The following CORO2B variants were observed in gnomAD, a reference collection of about 807,000 sequenced individuals.
CORO2B encodes the protein coronin 2B.
In CORO2B, 26 loss-of-function variants were observed where a neutral mutation model predicts 58.8. The ratio of observed to expected loss-of-function variants is 0.44; its 90% CI spans 0.32 to 0.61. CORO2B has a LOEUF of 0.61. Among genes scored for constraint, CORO2B ranks in the 20% least tolerant of loss-of-function variants. The probability of loss-of-function intolerance (pLI) is 0.04; values close to 1 mark genes in which losing one functional copy is unlikely to be tolerated. For missense variants in CORO2B, 460 were observed against 645.1 expected (o/e 0.71, Z 3.11); for synonymous variants, 242 against 253.8 (o/e 0.95, Z 0.44).
At chr15:68,606,693 A>G (rs2140242889) in intron 1 of CORO2B, among the ~76,000 whole-genome samples, 1 of 152,320 alleles carries the variant, frequency 6.6e-6, no homozygotes, top group Non-Finnish European at 1.5e-5. Flanking sequence ...TCATGGGTAG[A>G]GTGGGGGCAG....
chr15:68,657,350 C>G (rs1901841008), intron 2 of CORO2B, among the ~76,000 whole-genome samples: 1 of 151,858 alleles, frequency 6.6e-6, no homozygotes, highest in Non-Finnish European at 1.5e-5. Context: ...GACACCATCT[C>G]TACGAAATAC....
intron 1 of CORO2B, among the ~76,000 whole-genome samples, chr15:68,617,222 TG>T (rs1212636888): frequency 7.3e-6 from 1 of 137,838 alleles, no homozygotes; most frequent in Non-Finnish European, 1.6e-5. Flanking sequence ...GAGTGGGGGC[TG>T]GGGATGGGTG....
chr15:68,568,075 G>A, the CORO2B span, among the ~76,000 whole-genome samples: 2 of 152,126 alleles, frequency 1.3e-5, no homozygotes, highest in Admixed American at 1.3e-4. Context: ...TTATTGTGAG[G>A]CCAATCCCCA....
intron 8 of CORO2B, among the ~76,000 whole-genome samples, chr15:68,718,131 G>A (rs1893075045): frequency 6.6e-6 from 1 of 152,210 alleles, no homozygotes; most frequent in Non-Finnish European, 1.5e-5. Flanking sequence ...AGCTGTTAGG[G>A]ACATGTGGTA....
chr15:68,614,011 A>G (rs900111223), intron 1 of CORO2B, among the ~76,000 whole-genome samples: 4 of 152,180 alleles, frequency 2.6e-5, no homozygotes, highest in African/African-American at 9.7e-5. Flanking sequence ...ATAATTTTTC[A>G]ATCATCACCG....
At chr15:68,607,686 T>C (rs933673637) in intron 1 of CORO2B, among the ~76,000 whole-genome samples, 2 of 152,026 alleles carry the variant, frequency 1.3e-5, no homozygotes, top group South Asian at 4.1e-4. Flanking sequence ...GGTGCAGTGA[T>C]GCGTGCTTGT....
the CORO2B span, among the ~76,000 whole-genome samples, chr15:68,567,950 C>T: frequency 2.6e-5 from 4 of 152,150 alleles, no homozygotes; most frequent in African/African-American, 9.7e-5. Context: ...ACCCAGGAGG[C>T]GGAGGTTGCA....
At chr15:68,695,393 A>G (rs2140313237) in intron 3 of CORO2B, 137 bp downstream of exon 3, 1 of 684,290 alleles carries the variant, frequency 1.5e-6, no homozygotes, top group East Asian at 2.6e-5. Context: ...AGCAAGCCCC[A>G]CGATGTGGGG....
chr15:68,674,975 C>T (rs1403031327), intron 2 of CORO2B, among the ~76,000 whole-genome samples: 1 of 152,148 alleles, frequency 6.6e-6, no homozygotes, highest in Non-Finnish European at 1.5e-5. Context: ...AGTAGAACTT[C>T]AGGTATCAGT....
chr15:68,690,807 G>A (rs147367356), intron 2 of CORO2B, among the ~76,000 whole-genome samples: 1 of 151,350 alleles, frequency 6.6e-6, no homozygotes, highest in East Asian at 2.0e-4. Context: ...GTGCCACTAT[G>A]GCTAGCTAAT....
In CORO2B at chr15:68,710,251, C is replaced by T. The variant is rs1892881986; in HGVS notation, c.334-481C>T. On this transcript the variant is annotated intron_variant, in intron 3 of 11. Coordinates refer to ENST00000261861, the MANE Select transcript of CORO2B (RefSeq NM_006091.5). This position sits in a 1 kb window ranked among gnomAD's most constrained non-coding sequence, Gnocchi z 4.1. Reference sequence around the variant, plus strand: ...CTGGGGCCCCTCAGCCTCCCAGATGCAGTTCCCCCTGCCCAGGGGTCCATC... The same window carrying T: ...CTGGGGCCCCTCAGCCTCCCAGATGTAGTTCCCCCTGCCCAGGGGTCCATC... Among the ~76,000 whole-genome samples, 1 of 152,198 alleles carries T rather than the reference C, an allele frequency of 6.6e-6. No homozygotes were observed. Among genetic ancestry groups the T allele is most frequent in the South Asian group, 2.1e-4 (1 of 4,830 alleles).
At chr15:68,579,799 G>A (rs1480412342) in intron 1 of CORO2B, among the ~76,000 whole-genome samples, 2 of 152,242 alleles carry the variant, frequency 1.3e-5, no homozygotes, top group African/African-American at 2.4e-5. Flanking sequence ...GCCCAGTCCC[G>A]GGAGCCGCTA....
At chr15:68,535,846 G>A in the CORO2B span, among the ~76,000 whole-genome samples, 1 of 152,234 alleles carries the variant, frequency 6.6e-6, no homozygotes, top group African/African-American at 2.4e-5. Context: ...ATGGATTTAT[G>A]GAATGTTAGC....
chr15:68,691,845 C>T (rs1441405266), intron 2 of CORO2B, among the ~76,000 whole-genome samples: 6 of 152,066 alleles, frequency 3.9e-5, no homozygotes, highest in Admixed American at 3.9e-4. Flanking sequence ...GCTAGAAGCT[C>T]CTGTTATCTG....
intron 2 of CORO2B, among the ~76,000 whole-genome samples, chr15:68,678,964 C>T (rs1902679386): frequency 1.3e-5 from 2 of 152,276 alleles, no homozygotes; most frequent in Non-Finnish European, 2.9e-5. Context: ...CCTCCAGCAG[C>T]CCAACTTGGC....
At chr15:68,682,138 C>A (rs569617022) in intron 2 of CORO2B, among the ~76,000 whole-genome samples, 73 of 152,272 alleles carry the variant, frequency 4.8e-4, no homozygotes, top group African/African-American at 1.7e-3. Context: ...CCAGGACAGC[C>A]CACAGAGGGA....
the CORO2B span, among the ~76,000 whole-genome samples, chr15:68,566,680 G>A: frequency 2.0e-5 from 3 of 152,168 alleles, no homozygotes; most frequent in African/African-American, 7.2e-5. Context: ...AAGGCTCCAT[G>A]AGCCTGACTT....
intron 2 of CORO2B, among the ~76,000 whole-genome samples, chr15:68,672,101 G>T (rs969468252): frequency 2.0e-5 from 3 of 150,902 alleles, no homozygotes; most frequent in Admixed American, 2.0e-4. Flanking sequence ...AGTGCAGCAT[G>T]GGGAAGATTT....
chr15:68,631,652 G>T (rs1362355646), intron 1 of CORO2B, among the ~76,000 whole-genome samples: 1 of 152,196 alleles, frequency 6.6e-6, no homozygotes, highest in Non-Finnish European at 1.5e-5. Flanking sequence ...ATCTCAACAC[G>T]TGTAAAGAGA....
Sources: allele counts gnomAD v4.1 joint callset (sites outside exome capture counted in the v4.1 genomes callset), GRCh38; gene constraint gnomAD v4.1.1; non-coding constraint Gnocchi (gnomAD v3.1); transcripts MANE v1.5; gene names NCBI Gene and HGNC (gene_info 2026-07-23, HGNC 2026-07-21).